FBXO46: variants seen among roughly 807,000 people sequenced by gnomAD.
The protein encoded by FBXO46 is F-box only protein 46.
Under a neutral mutation model 30.7 loss-of-function variants are expected in FBXO46, and 13 were observed. The ratio of observed to expected loss-of-function variants is 0.42; its 90% CI spans 0.28 to 0.67. The LOEUF (loss-of-function observed/expected upper bound fraction) is 0.67. Among genes scored for constraint, FBXO46 ranks in the 30% least tolerant of loss-of-function variants. The pLI, the probability that FBXO46 is intolerant of heterozygous loss-of-function variation, is 0.21. For missense variants in FBXO46, 754 were observed against 871.5 expected (o/e 0.87, Z 1.70); for synonymous variants, 467 against 385.8 (o/e 1.21, Z -2.47).
At chr19:45,715,491 G>C (rs1008625306) in intron 1 of FBXO46, 2 of 152,140 alleles carry the variant, frequency 1.3e-5, no homozygotes, top group African/African-American at 4.8e-5. Context: ...AACTCCTGCA[G>C]TACAGACCAT....
At chr19:45,718,933 A>T (rs1968135174) in intron 1 of FBXO46, among the ~76,000 whole-genome samples, 1 of 148,338 alleles carries the variant, frequency 6.7e-6, no homozygotes, top group Admixed American at 6.7e-5. Flanking sequence ...GAGGAGTAAC[A>T]TTACCCCTTA....
At chr19:45,725,696 T>C (rs1374450344) in intron 1 of FBXO46, among the ~76,000 whole-genome samples, 27 of 152,004 alleles carry the variant, frequency 1.8e-4, no homozygotes, top group Admixed American at 1.8e-3. Context: ...ACTGTACCAC[T>C]GCACTCCAAC....
intron 1 of FBXO46, among the ~76,000 whole-genome samples, chr19:45,729,994 T>C (rs1215719031): frequency 1.3e-5 from 2 of 152,068 alleles, no homozygotes; most frequent in Admixed American, 6.6e-5. Flanking sequence ...ACAGCCCAGC[T>C]CTCCCACTAA....
At position 45,713,548 on chromosome 19, in the gene FBXO46, T is replaced by C. The variant is rs902431123; in HGVS notation, c.-53A>G. On this transcript the variant is annotated 5_prime_UTR_variant, in exon 2 of 2. Transcript: ENST00000317683. This position sits in a 1 kb window ranked among gnomAD's most constrained non-coding sequence, Gnocchi z 4.7. ...GCTTCAGCGCATCTCAGGACCTAGG[T>C]GGTGGTGGGAGGCTCCACATGCCAC... 2.1e-6 allele frequency: 3 copies of C among 1,445,154 alleles called. No individual in the cohort carries two copies. The highest frequency in any genetic ancestry group is 2.8e-6 in the Non-Finnish European group (3 of 1,076,590). 89.5% of individuals were successfully genotyped at this position (1,445,154 alleles called of 1,614,324 possible).
At chr19:45,727,743 A>C (rs1409708396) in intron 1 of FBXO46, among the ~76,000 whole-genome samples, 1 of 152,198 alleles carries the variant, frequency 6.6e-6, no homozygotes, top group Non-Finnish European at 1.5e-5. Context: ...AAACTGTTTC[A>C]AGGTGAATTT....
At chr19:45,727,940 C>G (rs569591501) in intron 1 of FBXO46, among the ~76,000 whole-genome samples, 1 of 152,122 alleles carries the variant, frequency 6.6e-6, no homozygotes, top group African/African-American at 2.4e-5. Flanking sequence ...CACTGAGTTT[C>G]CTTGTTCTTT....
intron 1 of FBXO46, among the ~76,000 whole-genome samples, chr19:45,729,003 C>A (rs1344496896): frequency 6.6e-6 from 1 of 151,822 alleles, no homozygotes; most frequent in African/African-American, 2.4e-5. Flanking sequence ...CTCAGCTACT[C>A]GGGAGGCTGA....
intron 1 of FBXO46, among the ~76,000 whole-genome samples, chr19:45,720,521 A>G (rs549777598): frequency 6.6e-6 from 1 of 152,116 alleles, no homozygotes; most frequent in Non-Finnish European, 1.5e-5. Context: ...CACCCGCCTC[A>G]GCCTCCCAAA....
chr19:45,719,824 T>C (rs1968146505), intron 1 of FBXO46, among the ~76,000 whole-genome samples: 1 of 152,148 alleles, frequency 6.6e-6, no homozygotes, highest in Non-Finnish European at 1.5e-5. Context: ...CATGAATATA[T>C]TAGAAAATGA....
Position 45,711,454 on chromosome 19 carries a change from A to AC in FBXO46, c.*229_*230insG, listed in dbSNP as rs1967961528. On this transcript the variant is annotated 3_prime_UTR_variant, in exon 2 of 2. Transcript: ENST00000317683. ...AGTGAGATGCTGATAAAAAAAAAAA[A>AC]AACACCCTTCTCAGAGGGTCCACGG... The AC allele has an allele frequency of 1.5e-6, 1 of 683,084 alleles. No homozygotes were observed. The allele number at this position is 683,084 out of a possible 1,614,324, so 42.3% of individuals were successfully genotyped here.
rs1475880622 is a variant in FBXO46, at chr19:45,712,128, G to A, written c.1368C>T (p.Phe456=). The A allele has an allele frequency of 6.3e-7, 1 of 1,596,580 alleles. No individual in the cohort carries two copies. Among genetic ancestry groups the A allele is most frequent in the Non-Finnish European group, 8.5e-7 (1 of 1,172,414 alleles). The change falls in exon 2 of 2, where the codon TTC becomes TTT. Residue 456 remains phenylalanine (F), a synonymous_variant. Coordinates refer to ENST00000317683, the MANE Select transcript of FBXO46 (RefSeq NM_001080469.2). This position sits in a 1 kb window ranked among gnomAD's most constrained non-coding sequence, Gnocchi z 8.8. Reference sequence around the variant, plus strand: ...GCTGAATCTTGAAGCGGATCTCTAGGAAGTCGTGCGACACGTGCCGGTACA... The same window carrying A: ...GCTGAATCTTGAAGCGGATCTCTAGAAAGTCGTGCGACACGTGCCGGTACA... ...CRLYRHVSHD[F]LEIRFKIQRL...
rs1430567994 is a variant in FBXO46 at position 45,711,780 on chromosome 19, C to T, written c.1716G>A (p.Glu572=). 8.1e-6 allele frequency: 13 copies of T among 1,601,656 alleles called. No homozygotes were observed. Among genetic ancestry groups the T allele is most frequent in the African/African-American group, 1.3e-5 (1 of 74,862 alleles). ...YWMCCRRADR[E]TPGCRLGLHD... is the part of the protein sequence containing the mutation. Reference sequence around the variant, plus strand: ...GGAGGCCCAGGCGGCAGCCGGGAGTCTCGCGGTCGGCTCGACGGCAGCACA... The same window carrying T: ...GGAGGCCCAGGCGGCAGCCGGGAGTTTCGCGGTCGGCTCGACGGCAGCACA... The change falls in exon 2 of 2, where the codon GAG becomes GAA. Residue 572 remains glutamate (E), a synonymous_variant. Transcript: ENST00000317683.
intron 1 of FBXO46, among the ~76,000 whole-genome samples, chr19:45,727,135 G>C (rs182583501): frequency 2.0e-4 from 30 of 152,180 alleles, no homozygotes; most frequent in African/African-American, 7.2e-4. Flanking sequence ...TGTAGTCCCA[G>C]CTACTCAGGA....
intron 1 of FBXO46, among the ~76,000 whole-genome samples, chr19:45,727,437 A>T (rs1381262027): frequency 6.6e-6 from 1 of 151,984 alleles, no homozygotes; most frequent in African/African-American, 2.4e-5. Context: ...ACAAGCCTGT[A>T]ATCTCAGCTA....
In FBXO46 at chr19:45,712,745, G is replaced by A. The variant is rs778816701; in HGVS notation, c.751C>T (p.Arg251Trp). 4 of 1,611,062 alleles carry A rather than the reference G, an allele frequency of 2.5e-6. No homozygotes were observed. The highest frequency in any genetic ancestry group is 2.7e-5 in the African/African-American group (2 of 74,878). The part of the protein sequence containing the change: ...PPTKGLRKEE[R>W]PGPGPGEVRI... ...ACCTCCCCAGGGCCTGGCCCGGGCC[G>A]CTCTTCCTTGCGGAGGCCCTTGGTG... is the stretch of plus-strand genomic sequence containing the variant. The change falls in exon 2 of 2, where the codon CGG (arginine) becomes TGG (tryptophan). Residue 251 changes from arginine (R) to tryptophan (W), a missense_variant. Coordinates refer to ENST00000317683, the MANE Select transcript of FBXO46 (RefSeq NM_001080469.2). This position sits in a 1 kb window ranked among gnomAD's most constrained non-coding sequence, Gnocchi z 8.8.
At chr19:45,726,850 A>G (rs943853085) in intron 1 of FBXO46, among the ~76,000 whole-genome samples, 11 of 152,050 alleles carry the variant, frequency 7.2e-5, no homozygotes, top group African/African-American at 2.7e-4. Context: ...AAGACCTCAC[A>G]CTTATTGAGA....
At chr19:45,732,187 G>A (rs919777717), upstream of FBXO46, among the ~76,000 whole-genome samples, 1 of 151,720 alleles carries the variant, frequency 6.6e-6, no homozygotes, top group Non-Finnish European at 1.5e-5. Context: ...CCTTGTTCAA[G>A]CACCTAGAAC....
chr19:45,732,655 G>C (rs1193271357), upstream of FBXO46, among the ~76,000 whole-genome samples: 1 of 129,460 alleles, frequency 7.7e-6, no homozygotes, highest in Non-Finnish European at 1.5e-5. Context: ...GTGCAGTGGC[G>C]ATACCAGCTC....
chr19:45,722,333 C>T (rs1568548596), intron 1 of FBXO46, among the ~76,000 whole-genome samples: 1 of 152,188 alleles, frequency 6.6e-6, no homozygotes, highest in Non-Finnish European at 1.5e-5. Flanking sequence ...CCAGCTTTCC[C>T]ACCTCTGGCA....
Sources: gnomAD v4.1 joint callset for allele counts (sites outside exome capture counted in the v4.1 genomes callset) on GRCh38, gnomAD v4.1.1 for gene constraint, Gnocchi (gnomAD v3.1) non-coding constraint, MANE v1.5 for transcripts, NCBI Gene and HGNC (gene_info 2026-07-23, HGNC 2026-07-21) for gene names.